ZNF704: variants seen among roughly 807,000 people sequenced by gnomAD.
ZNF704 encodes glucocorticoid induced gene 1.
Under a neutral mutation model 44.7 loss-of-function variants are expected in ZNF704, and 10 were observed. The ratio of observed to expected loss-of-function variants is 0.22; its 90% confidence interval spans 0.14 to 0.38. The LOEUF is 0.38. ZNF704 is among the 10% of genes least tolerant of loss of function. The pLI, the probability that ZNF704 is intolerant of heterozygous loss-of-function variation, is 1.00. For synonymous variants in ZNF704, 211 were observed against 207.6 expected (o/e 1.02, Z -0.14); for missense variants, 390 against 545.5 (o/e 0.71, Z 2.84).
intron 2 of ZNF704, among the ~76,000 whole-genome samples, chr8:80,747,304 T>C (rs1372697580): frequency 6.6e-6 from 1 of 152,116 alleles, no homozygotes; most frequent in East Asian, 1.9e-4. Context: ...AAACATTTAA[T>C]AATTTTTTTC....
At chr8:80,790,797 C>T (rs768708966) in intron 2 of ZNF704, among the ~76,000 whole-genome samples, 51 of 151,894 alleles carry the variant, frequency 3.4e-4, no homozygotes, top group African/African-American at 1.2e-3. Flanking sequence ...GAAGGATGCT[C>T]TGGGACATCA....
At chr8:80,647,999 T>G (rs531561756) in intron 7 of ZNF704, among the ~76,000 whole-genome samples, 5 of 152,202 alleles carry the variant, frequency 3.3e-5, no homozygotes, top group Non-Finnish European at 7.3e-5. Context: ...GGGGCCGGCA[T>G]GTGACAACGG....
At chr8:80,665,529 G>A (rs1818175719) in intron 5 of ZNF704, among the ~76,000 whole-genome samples, 1 of 150,222 alleles carries the variant, frequency 6.7e-6, no homozygotes, top group South Asian at 2.1e-4. Context: ...TCGAAACGGG[G>A]AGGGTGGGAG....
intron 2 of ZNF704, among the ~76,000 whole-genome samples, chr8:80,700,194 A>G (rs1475189806): frequency 1.3e-5 from 2 of 152,340 alleles, no homozygotes. Flanking sequence ...AATTGCTTGG[A>G]ATTATAATCC....
intron 2 of ZNF704, among the ~76,000 whole-genome samples, chr8:80,784,704 G>A (rs920342816): frequency 3.9e-5 from 6 of 151,906 alleles, no homozygotes; most frequent in African/African-American, 1.2e-4. Context: ...CTTCTCCTTC[G>A]CTTGACACTG....
chr8:80,829,028 C>T (rs766199141), intron 1 of ZNF704, among the ~76,000 whole-genome samples: 2 of 152,154 alleles, frequency 1.3e-5, no homozygotes, highest in Non-Finnish European at 2.9e-5. Flanking sequence ...AAGATTGTCA[C>T]CCACTTTGGT....
chr8:80,707,664 T>G (rs1006850905), intron 2 of ZNF704, among the ~76,000 whole-genome samples: 4 of 152,230 alleles, frequency 2.6e-5, no homozygotes, highest in African/African-American at 9.6e-5. Context: ...CAAATACTAT[T>G]TATCTTTTGT....
upstream of ZNF704, among the ~76,000 whole-genome samples, chr8:80,878,246 G>A (rs1320636074): frequency 7.4e-6 from 1 of 134,238 alleles, no homozygotes; most frequent in East Asian, 2.2e-4. Flanking sequence ...CAGAAAGAAA[G>A]AGAAAGAAAG....
At chr8:80,876,689 G>T (rs1369640385), upstream of ZNF704, among the ~76,000 whole-genome samples, 1 of 152,154 alleles carries the variant, frequency 6.6e-6, no homozygotes, top group African/African-American at 2.4e-5. Context: ...AAGTTGTTTT[G>T]CAGAGTAATG....
At chr8:80,816,432 A>G (rs1808177781) in intron 2 of ZNF704, among the ~76,000 whole-genome samples, 1 of 152,370 alleles carries the variant, frequency 6.6e-6, no homozygotes, top group East Asian at 1.9e-4. Flanking sequence ...ATGAAATAAA[A>G]TATTTTGGCA....
In ZNF704 at chr8:80,783,311, T is replaced by C. The variant is rs189698700; in HGVS notation, c.221+38063A>G. Among the ~76,000 whole-genome samples, 77 of 152,248 alleles carry C rather than the reference T, an allele frequency of 5.1e-4. 1 individual carries two copies. The East Asian group carries it at 0.014, about 28-fold the overall frequency. ...ACACATTTAAATTATGTGACTTTAGTCCATTCTTTTTATTTTTCCCCCAGC... is the reference window on the plus strand; with the variant it reads ...ACACATTTAAATTATGTGACTTTAGCCCATTCTTTTTATTTTTCCCCCAGC... On this transcript the variant is annotated intron_variant, in intron 2 of 8. Coordinates refer to ENST00000327835, the MANE Select transcript of ZNF704 (RefSeq NM_001033723.3).
At chr8:80,865,257 T>C (rs966420531) in intron 1 of ZNF704, among the ~76,000 whole-genome samples, 1 of 152,090 alleles carries the variant, frequency 6.6e-6, no homozygotes, top group Non-Finnish European at 1.5e-5. Context: ...AAAAAAACGA[T>C]AGCCACTGAT....
At chr8:80,799,914 G>A (rs1442793132) in intron 2 of ZNF704, among the ~76,000 whole-genome samples, 2 of 151,938 alleles carry the variant, frequency 1.3e-5, no homozygotes, top group Admixed American at 1.3e-4. Context: ...GAAGCTAAGA[G>A]TCATAAAAAA....
chr8:80,651,117 G>A (rs1817911070), intron 7 of ZNF704, among the ~76,000 whole-genome samples: 1 of 151,794 alleles, frequency 6.6e-6, no homozygotes, highest in Non-Finnish European at 1.5e-5. Context: ...AGCAAATGCT[G>A]AGAGATTTTG....
At chr8:80,661,940 G>A (rs1818108612) in intron 6 of ZNF704, among the ~76,000 whole-genome samples, 1 of 152,040 alleles carries the variant, frequency 6.6e-6, no homozygotes, top group African/African-American at 2.4e-5. Context: ...TAGAAGAGAG[G>A]ACTGGAAATG....
chr8:80,705,902 G>A (rs1372017805), intron 2 of ZNF704, among the ~76,000 whole-genome samples: 1 of 152,138 alleles, frequency 6.6e-6, no homozygotes, highest in Admixed American at 6.5e-5. Flanking sequence ...CTGCTGGCTG[G>A]GCTGCATTTA....
intron 4 of ZNF704, among the ~76,000 whole-genome samples, chr8:80,679,894 C>T (rs1818425635): frequency 2.0e-5 from 3 of 152,192 alleles, no homozygotes; most frequent in African/African-American, 7.2e-5. Context: ...AACATTGATG[C>T]TGTGGGCCAC....
chr8:80,799,850 G>A (rs1807869401), intron 2 of ZNF704, among the ~76,000 whole-genome samples: 1 of 152,082 alleles, frequency 6.6e-6, no homozygotes, highest in South Asian at 2.1e-4. Context: ...TCAGAAAGCA[G>A]GTAATAACAA....
chr8:80,853,604 T>C (rs994335372), intron 1 of ZNF704, among the ~76,000 whole-genome samples: 11 of 151,954 alleles, frequency 7.2e-5, no homozygotes, highest in African/African-American at 1.5e-4. Flanking sequence ...AAAGTTATTA[T>C]TGGAAAAGAA....
Sources: gnomAD v4.1 joint callset for allele counts (sites outside exome capture counted in the v4.1 genomes callset) on GRCh38, gnomAD v4.1.1 for gene constraint, MANE v1.5 for transcripts, NCBI Gene and HGNC (gene_info 2026-07-23, HGNC 2026-07-21) for gene names.